SGCZ: variants seen among roughly 807,000 people sequenced by gnomAD.
SGCZ encodes sarcoglycan zeta, also known as zeta-sarcoglycan.
SGCZ carries 40 observed loss-of-function variants against 41.3 expected under a neutral mutation model. The ratio of observed to expected loss-of-function variants is 0.97; its 90% CI spans 0.75 to 1.26. SGCZ has a LOEUF of 1.26. SGCZ is among the 50% of genes most tolerant of loss of function. SGCZ has a pLI of 0.00. For synonymous variants in SGCZ, 206 were observed against 137.5 expected (o/e 1.50, Z -3.49); for missense variants, 552 against 369.8 (o/e 1.49, Z -4.04).
chr8:14,557,209 T>G (rs1469500565), intron 1 of SGCZ, among the ~76,000 whole-genome samples: 2 of 152,034 alleles, frequency 1.3e-5, no homozygotes, highest in African/African-American at 4.8e-5. Flanking sequence ...TTTTCATGTG[T>G]TTATTGGTCA....
At chr8:14,511,200 A>G (rs1245780218) in intron 2 of SGCZ, among the ~76,000 whole-genome samples, 1 of 97,870 alleles carries the variant, frequency 1.0e-5, no homozygotes, top group Non-Finnish European at 2.0e-5. Context: ...TAAAACTACG[A>G]ATTTTCTTTC....
In SGCZ at chr8:15,065,415, A is replaced by ATT. The variant is rs1805095044; in HGVS notation, c.39+172169_39+172170insAA. 2.2e-3 allele frequency among the ~76,000 whole-genome samples: 299 copies of ATT among 137,470 alleles called. 1 individual carries two copies. Among genetic ancestry groups the ATT allele is most frequent in the African/African-American group, 7.7e-3 (286 of 37,286 alleles). 90.2% of individuals were successfully genotyped at this position (137,470 alleles called of 152,430 possible). A position where few individuals can be genotyped will look rare whatever the true frequency, so the allele number is the denominator to read the frequency against. On this transcript the variant is annotated intron_variant, in intron 1 of 7. Transcript: ENST00000382080. ...GGCATCACTTATCACATGGTATTGT[A>ATT]ATTATTATTATTATTATTATTATTA... is the stretch of plus-strand genomic sequence containing the variant.
intron 3 of SGCZ, among the ~76,000 whole-genome samples, chr8:14,255,580 A>G (rs1799434065): frequency 6.6e-6 from 1 of 152,104 alleles, no homozygotes; most frequent in African/African-American, 2.4e-5. Context: ...GTATAAATTT[A>G]TTAAAGATAA....
chr8:14,965,457 G>T (rs975981464), intron 1 of SGCZ, among the ~76,000 whole-genome samples: 1 of 152,052 alleles, frequency 6.6e-6, no homozygotes. Context: ...AATATGAGTG[G>T]CAATATACAA....
chr8:14,428,029 A>G (rs1030590852), intron 2 of SGCZ, among the ~76,000 whole-genome samples: 2 of 152,010 alleles, frequency 1.3e-5, no homozygotes, highest in Middle Eastern at 3.4e-3. Context: ...CAGCGATTTG[A>G]GCATCTGCAG....
chr8:14,156,850 G>T (rs1363647931), intron 5 of SGCZ, among the ~76,000 whole-genome samples: 1 of 152,134 alleles, frequency 6.6e-6, no homozygotes, highest in Non-Finnish European at 1.5e-5. Context: ...TAACACAGAT[G>T]AAGCTGTCAT....
chr8:14,437,490 C>T (rs938596419), intron 2 of SGCZ, among the ~76,000 whole-genome samples: 2 of 151,910 alleles, frequency 1.3e-5, no homozygotes, highest in African/African-American at 2.4e-5. Flanking sequence ...AAAACAGTAA[C>T]GTTCTTCTGA....
At chr8:14,592,552 T>C (rs10111283) in intron 1 of SGCZ, among the ~76,000 whole-genome samples, 10,970 of 152,174 alleles carry the variant, frequency 0.072, 487 homozygotes, top group African/African-American at 0.13. Context: ...TGCATATTAT[T>C]GAGTCTTAAA....
At chr8:14,381,776 A>T (rs1360278196) in intron 2 of SGCZ, among the ~76,000 whole-genome samples, 2 of 151,288 alleles carry the variant, frequency 1.3e-5, no homozygotes, top group African/African-American at 4.9e-5. Context: ...AAAAAGCAAG[A>T]CCCTGTCTCA....
intron 3 of SGCZ, among the ~76,000 whole-genome samples, chr8:14,267,062 A>T (rs538365889): frequency 6.6e-6 from 1 of 152,060 alleles, no homozygotes; most frequent in Non-Finnish European, 1.5e-5. Flanking sequence ...TTGTCTTATA[A>T]TATTTTTGTT....
intron 3 of SGCZ, among the ~76,000 whole-genome samples, chr8:14,239,767 T>G (rs1798794505): frequency 6.7e-6 from 1 of 149,682 alleles, no homozygotes; most frequent in East Asian, 2.0e-4. Context: ...CCGGGCGTAG[T>G]GGCGGGCGCC....
chr8:14,570,870 A>G (rs1804529734), intron 1 of SGCZ, among the ~76,000 whole-genome samples: 1 of 152,196 alleles, frequency 6.6e-6, no homozygotes, highest in Non-Finnish European at 1.5e-5. Context: ...ATCAGTTAAT[A>G]TATCTGAAAT....
intron 2 of SGCZ, among the ~76,000 whole-genome samples, chr8:14,549,455 G>A (rs776742238): frequency 6.6e-6 from 1 of 152,000 alleles, no homozygotes; most frequent in Non-Finnish European, 1.5e-5. Flanking sequence ...GAGAGAACAA[G>A]TGAAAAAATT....
chr8:14,448,055 T>A (rs575376815), intron 2 of SGCZ, among the ~76,000 whole-genome samples: 3 of 152,170 alleles, frequency 2.0e-5, no homozygotes, highest in African/African-American at 7.2e-5. Context: ...ATAACAAAAA[T>A]GTGTATTCTA....
At chr8:15,002,497 C>A (rs1213126555) in intron 1 of SGCZ, among the ~76,000 whole-genome samples, 2 of 151,810 alleles carry the variant, frequency 1.3e-5, no homozygotes, top group Non-Finnish European at 1.5e-5. Flanking sequence ...GTGTCATTAC[C>A]CTAGAAATAG....
At chr8:14,691,504 T>C (rs1185657826) in intron 1 of SGCZ, among the ~76,000 whole-genome samples, 1 of 151,982 alleles carries the variant, frequency 6.6e-6, no homozygotes, top group Non-Finnish European at 1.5e-5. Flanking sequence ...ATTTATATGA[T>C]TGTAAAAGAT....
At chr8:14,591,406 C>T (rs1805235669) in intron 1 of SGCZ, among the ~76,000 whole-genome samples, 2 of 151,942 alleles carry the variant, frequency 1.3e-5, no homozygotes, top group African/African-American at 4.8e-5. Flanking sequence ...ATTTCTAGAG[C>T]TCGTGCATTT....
At chr8:14,564,243 G>C (rs983052784) in intron 1 of SGCZ, among the ~76,000 whole-genome samples, 14 of 152,174 alleles carry the variant, frequency 9.2e-5, no homozygotes, top group African/African-American at 2.4e-4. Flanking sequence ...AACCTCTTCA[G>C]TTCCTTACTG....
chr8:15,203,398 C>A (rs548452701), intron 1 of SGCZ, among the ~76,000 whole-genome samples: 2 of 152,096 alleles, frequency 1.3e-5, no homozygotes, highest in African/African-American at 4.8e-5. Context: ...GTACAAACCC[C>A]GTGAGGCCAC....
Sources: allele counts gnomAD v4.1 joint callset (sites outside exome capture counted in the v4.1 genomes callset), GRCh38; gene constraint gnomAD v4.1.1; transcripts MANE v1.5; gene names NCBI Gene and HGNC (gene_info 2026-07-23, HGNC 2026-07-21).